Variants in NEDD9 observed in about 807,000 individuals in gnomAD.
The protein encoded by NEDD9 is neural precursor cell expressed, developmentally down-regulated 9.
Under a neutral mutation model 76.6 loss-of-function variants are expected in NEDD9, and 26 were observed. That is an observed-to-expected ratio of 0.34 (90% CI 0.25 to 0.47). NEDD9 has a LOEUF of 0.47. NEDD9 is among the 20% of genes least tolerant of loss of function. The pLI, the probability that NEDD9 is intolerant of heterozygous loss-of-function variation, is 1.00. For missense variants in NEDD9, 937 were observed against 1,058.5 expected (o/e 0.89, Z 1.59); for synonymous variants, 392 against 414.2 (o/e 0.95, Z 0.65).
intron 3 of NEDD9, among the ~76,000 whole-genome samples, chr6:11,295,921 C>G (rs2113387059): frequency 6.6e-6 from 1 of 152,184 alleles, no homozygotes; most frequent in South Asian, 2.1e-4. Flanking sequence ...GAATTGTGAC[C>G]CCCACCCCAA....
chr6:11,353,523 G>T (rs899778349), intron 1 of NEDD9, among the ~76,000 whole-genome samples: 5 of 152,178 alleles, frequency 3.3e-5, no homozygotes, highest in African/African-American at 1.2e-4. Flanking sequence ...CAGAAAGAGC[G>T]TGGCCCTGCC....
At chr6:11,330,119 T>C (rs2113496701) in intron 2 of NEDD9, among the ~76,000 whole-genome samples, 1 of 152,330 alleles carries the variant, frequency 6.6e-6, no homozygotes, top group Middle Eastern at 3.4e-3. Flanking sequence ...ATTAATTAAA[T>C]TGTAATCGTC....
At chr6:11,268,715 C>T (rs540185948) in intron 3 of NEDD9, among the ~76,000 whole-genome samples, 9 of 148,540 alleles carry the variant, frequency 6.1e-5, no homozygotes, top group South Asian at 2.1e-4. Flanking sequence ...GCAACAAGAA[C>T]GAAGCTCCAT....
chr6:11,279,313 T>C (rs1056313678), intron 3 of NEDD9, among the ~76,000 whole-genome samples: 1 of 152,248 alleles, frequency 6.6e-6, no homozygotes, highest in African/African-American at 2.4e-5. Flanking sequence ...GTTCACTTGC[T>C]CCTGATTCAT....
At chr6:11,207,218 A>G (rs566840942) in intron 2 of NEDD9, among the ~76,000 whole-genome samples, 1 of 152,240 alleles carries the variant, frequency 6.6e-6, no homozygotes, top group East Asian at 1.9e-4. Context: ...TAGACAAGTC[A>G]TGCTGCTAAT....
At chr6:11,194,891 G>T (rs1758252203) in intron 2 of NEDD9, among the ~76,000 whole-genome samples, 1 of 152,174 alleles carries the variant, frequency 6.6e-6, no homozygotes, top group Admixed American at 6.5e-5. Context: ...TCGTCCAAGG[G>T]CTTCTAAATG....
At chr6:11,203,710 T>G (rs1758521605) in intron 2 of NEDD9, among the ~76,000 whole-genome samples, 1 of 152,236 alleles carries the variant, frequency 6.6e-6, no homozygotes, top group Admixed American at 6.5e-5. Flanking sequence ...ATGAGAGTGC[T>G]CCTTAATGGG....
chr6:11,296,665 CT>C (rs1760896847), intron 3 of NEDD9, among the ~76,000 whole-genome samples: 1 of 116,556 alleles, frequency 8.6e-6, no homozygotes, highest in Non-Finnish European at 1.7e-5. Context: ...CTTTCCTTTC[CT>C]TTCCTTTCCT....
intron 3 of NEDD9, among the ~76,000 whole-genome samples, chr6:11,254,744 A>G (rs1057380329): frequency 2.6e-5 from 4 of 152,278 alleles, no homozygotes; most frequent in East Asian, 3.9e-4. Context: ...GAAAACTCTC[A>G]CAGCATTTCT....
At chr6:11,277,608 C>G (rs534658482) in intron 3 of NEDD9, among the ~76,000 whole-genome samples, 4 of 152,254 alleles carry the variant, frequency 2.6e-5, no homozygotes, top group Admixed American at 2.6e-4. Flanking sequence ...GGCACGTTGC[C>G]CTCAGCCCTG....
intron 3 of NEDD9, among the ~76,000 whole-genome samples, chr6:11,288,732 GA>G (rs1760701308): frequency 6.6e-6 from 1 of 152,172 alleles, no homozygotes; most frequent in Admixed American, 6.5e-5. Flanking sequence ...AGATAACATG[GA>G]TAACATTTCA....
Position 11,347,556 on chromosome 6 carries a change from A to G in NEDD9, c.-213-12995T>C, listed in dbSNP as rs116215170. Among the ~76,000 whole-genome samples, 771 of 152,318 alleles carry G rather than the reference A, an allele frequency of 5.1e-3. 7 individuals are homozygous for G. The highest frequency in any genetic ancestry group is 0.017 in the African/African-American group (722 of 41,558). ...TTGATGCATAAGCCCTCAGCAAAAT[A>G]CTAGCAAACCTTTCCAGCAGCCATC... On this transcript the variant is annotated intron_variant, in intron 1 of 3. Transcript: ENST00000397378.
chr6:11,297,911 CTT>C (rs3067297), intron 3 of NEDD9, among the ~76,000 whole-genome samples: 4 of 140,578 alleles, frequency 2.8e-5, no homozygotes, highest in Non-Finnish European at 4.6e-5. Context: ...TTTTTCTTTT[CTT>C]TTTTTTTTTT....
At chr6:11,323,998 G>C (rs999808788) in intron 2 of NEDD9, among the ~76,000 whole-genome samples, 1 of 152,226 alleles carries the variant, frequency 6.6e-6, no homozygotes, top group African/African-American at 2.4e-5. Context: ...AGAGGGTAGA[G>C]GGATGAGAGG....
chr6:11,236,390 C>T (rs567207815), upstream of NEDD9, among the ~76,000 whole-genome samples: 7 of 152,186 alleles, frequency 4.6e-5, no homozygotes, highest in Non-Finnish European at 1.0e-4. The surrounding 1 kb of genome is among the most constrained non-coding windows in gnomAD (Gnocchi z 5.5). Context: ...AATGATTTTC[C>T]AGCTGCAACT....
chr6:11,215,512 T>A (rs552224501), intron 1 of NEDD9, among the ~76,000 whole-genome samples: 1 of 152,336 alleles, frequency 6.6e-6, no homozygotes, highest in African/African-American at 2.4e-5. Context: ...TAAAATTGTC[T>A]CTGTTTCTCT....
At chr6:11,214,106 T>G in intron 1 of NEDD9, 1 of 468,196 alleles carries the variant, frequency 2.1e-6, no homozygotes, top group Non-Finnish European at 4.1e-6. Context: ...GATATTCAGA[T>G]GTTCGACAAT....
At chr6:11,346,482 C>CA (rs1762366479) in intron 1 of NEDD9, among the ~76,000 whole-genome samples, 1 of 151,286 alleles carries the variant, frequency 6.6e-6, no homozygotes, top group Non-Finnish European at 1.5e-5. Context: ...CGGAGGCCCC[C>CA]CCCCCCGAGG....
At chr6:11,212,638 C>G (rs1025694115) in intron 2 of NEDD9, among the ~76,000 whole-genome samples, 25 of 152,202 alleles carry the variant, frequency 1.6e-4, no homozygotes, top group Non-Finnish European at 3.2e-4. Context: ...TATCCAAGCT[C>G]CACTGTTTTC....
Sources: allele counts gnomAD v4.1 joint callset (sites outside exome capture counted in the v4.1 genomes callset), GRCh38; gene constraint gnomAD v4.1.1; non-coding constraint Gnocchi (gnomAD v3.1); transcripts MANE v1.5; gene names NCBI Gene and HGNC (gene_info 2026-07-23, HGNC 2026-07-21).